The following MACF1 variants were observed in gnomAD, a reference collection of about 807,000 sequenced individuals.
MACF1 encodes the protein microtubule-actin cross-linking factor 1.
Under a neutral mutation model 854.8 loss-of-function variants are expected in MACF1, and 193 were observed. The observed-to-expected ratio is 0.23, with a 90% CI of 0.20 to 0.25. The LOEUF is 0.25. MACF1 is among the 10% of genes least tolerant of loss of function. The pLI is 1.00. For missense variants in MACF1, 7,722 were observed against 8,929.1 expected (o/e 0.86, Z 5.45); for synonymous variants, 3,185 against 3,226.7 (o/e 0.99, Z 0.44).
At position 39,443,176 on chromosome 1, in the gene MACF1, T is replaced by A. The variant is rs7521696; in HGVS notation, c.19302+265T>A. 2.0e-3 allele frequency among the ~76,000 whole-genome samples: 306 copies of A among 152,318 alleles called. 2 individuals are homozygous for A. The highest frequency in any genetic ancestry group is 6.7e-3 in the African/African-American group (280 of 41,568). On this transcript the variant is annotated intron_variant, in intron 78 of 100. Transcript: ENST00000564288. The stretch of plus-strand genomic sequence containing the variant: ...GATTCCCTTTTTTTCTTGGATCAAG[T>A]CAGGTCTCTTCCTATTCAACAGTAC...
Position 39,105,244 on chromosome 1 carries a change from C to G in MACF1, c.220+20806C>G. 6.6e-6 allele frequency among the ~76,000 whole-genome samples: 1 copy of G among 150,910 alleles called. No individual in the cohort carries two copies. Among genetic ancestry groups the G allele is most frequent in the African/African-American group, 2.4e-5 (1 of 41,250 alleles). On this transcript the variant is annotated intron_variant, in intron 2 of 93. Transcript: ENST00000361689. The surrounding 1 kb of genome is among the most constrained non-coding windows in gnomAD (Gnocchi z 5.9). ...GGCCCAGCCGGCCGCAGCCTGGGGCCGAGGACTCGCCGGGACCCGGAGGCG... is the reference window on the plus strand; with the variant it reads ...GGCCCAGCCGGCCGCAGCCTGGGGCGGAGGACTCGCCGGGACCCGGAGGCG...
chr1:39,450,827 G>A (rs1332468151), intron 84 of MACF1, among the ~76,000 whole-genome samples: 1 of 151,794 alleles, frequency 6.6e-6, no homozygotes, highest in East Asian at 1.9e-4. Flanking sequence ...TAGCCAGGAT[G>A]GTCTCGATCT....
chr1:39,346,558 C>T (rs539958725), intron 40 of MACF1, among the ~76,000 whole-genome samples: 13 of 145,524 alleles, frequency 8.9e-5, no homozygotes, highest in Non-Finnish European at 1.9e-4. Flanking sequence ...CTCGCTCTGT[C>T]ACCCAGGCTG....
At chr1:39,330,980 A>T (rs1206175836) in intron 36 of MACF1, among the ~76,000 whole-genome samples, 1 of 151,870 alleles carries the variant, frequency 6.6e-6, no homozygotes, top group Non-Finnish European at 1.5e-5. Context: ...TTGTATTTTT[A>T]GTAGAGACGG....
At chr1:39,473,771 C>G (rs1384084806) in intron 97 of MACF1, among the ~76,000 whole-genome samples, 2 of 152,138 alleles carry the variant, frequency 1.3e-5, no homozygotes, top group Non-Finnish European at 2.9e-5. Flanking sequence ...TACTGAAACC[C>G]TAAATGCAAG....
chr1:39,428,152 G>A lies in MACF1; in HGVS notation c.16668G>A (p.Leu5556=). ...AGGCAGCCCTACTTGACCAAGCTCT[G>A]TCTAATGCTAGGCTGTTTGGGGAGG... ...CRKAALLDQA[L]SNARLFGEDE... The change falls in exon 63 of 101, where the codon CTG becomes CTA. Residue 5556 remains leucine, a synonymous_variant. Transcript: ENST00000564288. The A allele has an allele frequency of 6.2e-7, 1 of 1,614,210 alleles. No individual in the cohort carries two copies. The highest frequency in any genetic ancestry group is 8.5e-7 in the Non-Finnish European group (1 of 1,180,044).
chr1:39,359,901 G>A (rs1647924314), intron 47 of MACF1, among the ~76,000 whole-genome samples: 1 of 143,900 alleles, frequency 6.9e-6, no homozygotes, highest in African/African-American at 2.6e-5. Flanking sequence ...GCAGGAGAAT[G>A]GCATCAACCT....
chr1:39,456,664 C>G (rs570927125), intron 89 of MACF1: 1 of 152,408 alleles, frequency 6.6e-6, no homozygotes, highest in Non-Finnish European at 1.5e-5. Context: ...TCTCTCTCCT[C>G]TATGTCTTCA....
intron 58 of MACF1, chr1:39,412,201 T>C (rs1490905099): frequency 6.2e-7 from 1 of 1,613,790 alleles, no homozygotes. Flanking sequence ...TGGTGAGGAG[T>C]GCATTGAGAG....
chr1:39,354,252 T>C (rs1647332380), intron 44 of MACF1, among the ~76,000 whole-genome samples: 2 of 152,150 alleles, frequency 1.3e-5, no homozygotes. Context: ...TTGCATAAAG[T>C]AACGGAGGGG....
At chr1:39,212,870 C>T (rs1644532848) in intron 1 of MACF1, among the ~76,000 whole-genome samples, 1 of 152,224 alleles carries the variant, frequency 6.6e-6, no homozygotes, top group Non-Finnish European at 1.5e-5. Flanking sequence ...AGTGATCTGC[C>T]CACCTTGGCC....
chr1:39,385,377 T>G, intron 56 of MACF1, 57 bp from the exon 57 acceptor site: 1 of 1,577,154 alleles, frequency 6.3e-7, no homozygotes, highest in Non-Finnish European at 8.6e-7. Context: ...CTGACACTGC[T>G]TTTAGATAGA....
intron 1 of MACF1, among the ~76,000 whole-genome samples, chr1:39,219,147 T>A (rs1475585637): frequency 2.0e-5 from 3 of 152,198 alleles, no homozygotes. Context: ...AAACCCCAAA[T>A]CTCAATCCTC....
chr1:39,467,833 G>C (rs896025418), intron 95 of MACF1: 1 of 152,162 alleles, frequency 6.6e-6, no homozygotes, highest in African/African-American at 2.4e-5. Flanking sequence ...TTCTAAGCTT[G>C]TAATGATGCT....
intron 5 of MACF1, among the ~76,000 whole-genome samples, chr1:39,257,111 A>G (rs1160900932): frequency 6.6e-6 from 1 of 152,194 alleles, no homozygotes; most frequent in Non-Finnish European, 1.5e-5. Flanking sequence ...TCACACAAAA[A>G]CCTGCACATG....
chr1:39,189,160 A>T (rs1264544776), intron 2 of MACF1, among the ~76,000 whole-genome samples: 1 of 152,156 alleles, frequency 6.6e-6, no homozygotes, highest in African/African-American at 2.4e-5. Flanking sequence ...GCCTTCTCCT[A>T]CCAAGTCTTC....
intron 58 of MACF1, among the ~76,000 whole-genome samples, chr1:39,390,080 C>G (rs1015172394): frequency 6.6e-6 from 1 of 152,206 alleles, no homozygotes; most frequent in Non-Finnish European, 1.5e-5. Flanking sequence ...GATCTTGGTT[C>G]TCACTATATT....
intron 49 of MACF1, among the ~76,000 whole-genome samples, chr1:39,362,707 A>G (rs1648305982): frequency 6.6e-6 from 1 of 152,178 alleles, no homozygotes; most frequent in Admixed American, 6.5e-5. Flanking sequence ...GAAATCAGCT[A>G]TTTATCCAAG....
intron 49 of MACF1, among the ~76,000 whole-genome samples, chr1:39,364,209 G>A (rs1190378086): frequency 6.6e-6 from 1 of 152,064 alleles, no homozygotes; most frequent in African/African-American, 2.4e-5. Flanking sequence ...TTTTTCTGGT[G>A]TGATTGGTAA....
Sources: gnomAD v4.1 joint callset for allele counts (sites outside exome capture counted in the v4.1 genomes callset) on GRCh38, gnomAD v4.1.1 for gene constraint, Gnocchi (gnomAD v3.1) non-coding constraint, MANE v1.5 for transcripts, NCBI Gene and HGNC (gene_info 2026-07-23, HGNC 2026-07-21) for gene names.